CACNA1I: variants seen among roughly 807,000 people sequenced by gnomAD.
CACNA1I encodes voltage-dependent T-type calcium channel subunit alpha-1I.
CACNA1I carries 74 observed loss-of-function variants against 201.6 expected under a neutral mutation model. The ratio of observed to expected loss-of-function variants is 0.37; its 90% CI spans 0.30 to 0.45. The LOEUF is 0.45. Among genes scored for constraint, CACNA1I ranks in the 20% least tolerant of loss-of-function variants. CACNA1I has a pLI of 1.00. For synonymous variants in CACNA1I, 1,431 were observed against 1,345.2 expected (o/e 1.06, Z -1.40); for missense variants, 2,346 against 3,138.1 (o/e 0.75, Z 6.03).
rs1420348207 is a variant in CACNA1I at position 39,686,652 on chromosome 22, A to ATATATATATATATATG, written c.*248_*249insATATATATATATATGT. On this transcript the variant is annotated 3_prime_UTR_variant, in exon 37 of 37. Coordinates refer to ENST00000402142, the MANE Select transcript of CACNA1I (RefSeq NM_021096.4). ...CATATATATATATATATATATATAT[A>ATATATATATATATATG]TGTGTATACACACACACATAGACAG... 2.8e-5 allele frequency: 4 copies of ATATATATATATATATG among 143,908 alleles called. No homozygotes were observed. The highest frequency in any genetic ancestry group is 6.0e-5 in the Non-Finnish European group (4 of 66,918). The allele number at this position is 143,908 out of a possible 1,614,324, so 8.9% of individuals were successfully genotyped here. A position where few individuals can be genotyped will look rare whatever the true frequency, so the allele number is the denominator to read the frequency against.
chr22:39,647,139 G>A (rs552288597), intron 8 of CACNA1I, among the ~76,000 whole-genome samples: 73 of 148,762 alleles, frequency 4.9e-4, no homozygotes, highest in African/African-American at 1.8e-3. Context: ...CCCTGTGTAT[G>A]TGTGGAGATA....
intron 4 of CACNA1I, among the ~76,000 whole-genome samples, chr22:39,632,231 C>T (rs1934083403): frequency 6.6e-6 from 1 of 152,214 alleles, no homozygotes; most frequent in African/African-American, 2.4e-5. Context: ...AGCCTCTTCT[C>T]CAGCTGCTAC....
intron 5 of CACNA1I, among the ~76,000 whole-genome samples, 200 bp downstream of exon 5, chr22:39,634,924 A>G (rs1331321544): frequency 6.6e-6 from 1 of 152,144 alleles, no homozygotes; most frequent in Non-Finnish European, 1.5e-5. Flanking sequence ...CCTGAAGAGC[A>G]GGCACAGAAC....
chr22:39,582,744 AC>A (rs964195219), intron 1 of CACNA1I, among the ~76,000 whole-genome samples: 2 of 58,342 alleles, frequency 3.4e-5, no homozygotes, highest in Non-Finnish European at 6.7e-5. Flanking sequence ...TCCCCCATAC[AC>A]CCCCCCACCC....
At chr22:39,626,923 A>ACAGCTTT in intron 4 of CACNA1I, among the ~76,000 whole-genome samples, 1 of 152,294 alleles carries the variant, frequency 6.6e-6, no homozygotes, top group South Asian at 2.1e-4. Context: ...CATCTTCACT[A>ACAGCTTT]CAGCTTTAGG....
rs1325985556 is a variant in CACNA1I, at chr22:39,685,579, G to T, written c.6028-182G>T. ...TAGCTCCTCTCGGGGGACCTCTCGG[G>T]GCAGGTGAAGGCCCTGCGGTGACGC... On this transcript the variant is annotated intron_variant, in intron 36 of 36. Coordinates refer to ENST00000402142, the MANE Select transcript of CACNA1I (RefSeq NM_021096.4). This position sits in a 1 kb window ranked among gnomAD's most constrained non-coding sequence, Gnocchi z 5.0. 7.9e-5 allele frequency among the ~76,000 whole-genome samples: 12 copies of T among 152,120 alleles called. No individual in the cohort carries two copies.
rs781098725 is a variant in CACNA1I, at chr22:39,665,660, T to C, written c.3978+36T>C. On this transcript the variant is annotated intron_variant, in intron 22 of 36. Transcript: ENST00000402142. This position sits in a 1 kb window ranked among gnomAD's most constrained non-coding sequence, Gnocchi z 5.5. ...CCCAGTCTGGGCAGGGACTGGGCTCTGTGACTGGGGAAAAGGAAGTCTCAG... is the reference window on the plus strand; with the variant it reads ...CCCAGTCTGGGCAGGGACTGGGCTCCGTGACTGGGGAAAAGGAAGTCTCAG... 31 of 1,604,002 alleles carry C rather than the reference T, an allele frequency of 1.9e-5. No homozygotes were observed. Among genetic ancestry groups the C allele is most frequent in the Non-Finnish European group, 2.6e-5 (30 of 1,172,456 alleles).
chr22:39,646,666 G>A lies in CACNA1I; in HGVS notation c.1247G>A (p.Arg416Gln), dbSNP rs752994377. Residue 416 changes from arginine to glutamine, a missense_variant, in exon 8 of 37, where the codon CGG becomes CAG. This residue lies in a region of CACNA1I where 227 missense variants were observed against 412.5 expected (regional missense o/e 0.55). Coordinates refer to ENST00000402142, the MANE Select transcript of CACNA1I (RefSeq NM_021096.4). The part of the protein sequence containing the change: ...QREHRLMLEQ[R>Q]QRYLSSSTVA... ...GAGCACCGGCTGATGCTGGAGCAGCGGCAGCGCTACCTGTCCTCCAGCACG... is the reference window on the plus strand; with the variant it reads ...GAGCACCGGCTGATGCTGGAGCAGCAGCAGCGCTACCTGTCCTCCAGCACG... 1.9e-6 allele frequency: 3 copies of A among 1,580,362 alleles called. No individual in the cohort carries two copies. Among genetic ancestry groups the A allele is most frequent in the Non-Finnish European group, 2.6e-6 (3 of 1,163,688 alleles).
chr22:39,639,695 G>A (rs1485932638), intron 5 of CACNA1I, among the ~76,000 whole-genome samples: 5 of 152,148 alleles, frequency 3.3e-5, no homozygotes, highest in African/African-American at 1.2e-4. Context: ...CAAATAGATA[G>A]CAACTATCCT....
chr22:39,602,210 T>C (rs1056619238), intron 3 of CACNA1I, among the ~76,000 whole-genome samples: 4 of 149,962 alleles, frequency 2.7e-5, no homozygotes, highest in African/African-American at 9.9e-5. Flanking sequence ...TAGCTGGGAC[T>C]GCAGGCATGT....
intron 5 of CACNA1I, among the ~76,000 whole-genome samples, chr22:39,637,634 GAATA>G (rs1381377149): frequency 6.6e-6 from 1 of 152,150 alleles, no homozygotes; most frequent in Admixed American, 6.5e-5. Flanking sequence ...TTGGCAGAAT[GAATA>G]AATAAGTGGC....
chr22:39,683,165 G>A (rs1935753602), intron 35 of CACNA1I, among the ~76,000 whole-genome samples: 1 of 152,194 alleles, frequency 6.6e-6, no homozygotes, highest in African/African-American at 2.4e-5. Context: ...TATGCTTTGG[G>A]CCTGTGGCTG....
At chr22:39,674,529 G>C (rs1475524418) in intron 29 of CACNA1I, among the ~76,000 whole-genome samples, 1 of 152,208 alleles carries the variant, frequency 6.6e-6, no homozygotes, top group African/African-American at 2.4e-5. Flanking sequence ...ATGAGACCCT[G>C]ACCCAGGTGG....
chr22:39,655,719 C>T (rs1314883981), intron 10 of CACNA1I, among the ~76,000 whole-genome samples: 4 of 152,212 alleles, frequency 2.6e-5, no homozygotes, highest in Middle Eastern at 3.4e-3. Flanking sequence ...CATGTCCCCT[C>T]CTCCTTGGGC....
At chr22:39,657,767 A>G (rs1328059190) in intron 10 of CACNA1I, among the ~76,000 whole-genome samples, 1 of 152,232 alleles carries the variant, frequency 6.6e-6, no homozygotes, top group African/African-American at 2.4e-5. Context: ...AGTGACGTCT[A>G]GCGACGCCTG....
intron 3 of CACNA1I, among the ~76,000 whole-genome samples, chr22:39,616,868 G>A (rs1381290388): frequency 6.6e-6 from 1 of 152,224 alleles, no homozygotes; most frequent in South Asian, 2.1e-4. Flanking sequence ...CCTATCCTGG[G>A]GCAGGGGCCA....
intron 4 of CACNA1I, among the ~76,000 whole-genome samples, chr22:39,621,770 G>A (rs1048858979): frequency 6.6e-6 from 1 of 152,026 alleles, no homozygotes; most frequent in African/African-American, 2.4e-5. Flanking sequence ...AAAGCTGTGC[G>A]GGAGGGGGAG....
chr22:39,596,733 A>G (rs1190621226), intron 1 of CACNA1I, among the ~76,000 whole-genome samples: 7 of 151,650 alleles, frequency 4.6e-5, no homozygotes, highest in African/African-American at 1.7e-4. Context: ...GCCAGGGCAG[A>G]CCCAGGGGGC....
chr22:39,665,699 A>AGAC lies in CACNA1I; in HGVS notation c.3978+76_3978+78dup. On this transcript the variant is annotated intron_variant, in intron 22 of 36. Coordinates refer to ENST00000402142, the MANE Select transcript of CACNA1I (RefSeq NM_021096.4). The surrounding 1 kb of genome is among the most constrained non-coding windows in gnomAD (Gnocchi z 5.5). ...AGGAAGTCTCAGACAGCCAGGGGAGAGACTCCACATTCCAACCTCATGCGC... is the reference window on the plus strand; with the variant it reads ...AGGAAGTCTCAGACAGCCAGGGGAGAGACGACTCCACATTCCAACCTCATGCGC... 6.3e-7 allele frequency: 1 copy of AGAC among 1,578,602 alleles called. No homozygotes were observed. Among genetic ancestry groups the AGAC allele is most frequent in the Non-Finnish European group, 8.6e-7 (1 of 1,156,146 alleles).
Sources: gnomAD v4.1 joint callset for allele counts (sites outside exome capture counted in the v4.1 genomes callset) on GRCh38, gnomAD v4.1.1 for gene constraint, gnomAD v4.1.1 regional missense constraint, Gnocchi (gnomAD v3.1) non-coding constraint, MANE v1.5 for transcripts, NCBI Gene and HGNC (gene_info 2026-07-23, HGNC 2026-07-21) for gene names.